Variants in GPHN observed in about 807,000 individuals in gnomAD.
The protein encoded by GPHN is gephyrin.
A neutral mutation model predicts 95.5 loss-of-function variants in GPHN; 17 were observed. The observed-to-expected ratio is 0.18, with a 90% CI of 0.12 to 0.27. The LOEUF is 0.27. GPHN is among the 10% of genes least tolerant of loss of function. The pLI, the probability that GPHN is intolerant of heterozygous loss-of-function variation, is 1.00. For synonymous variants in GPHN, 320 were observed against 322.5 expected, an observed-to-expected ratio of 0.99 and a Z score of 0.08; for missense variants, 660 against 978.1, an observed-to-expected ratio of 0.67 and a Z score of 4.34.
chr14:67,572,175 C>G, the GPHN span: 1 of 1,607,722 alleles, frequency 6.2e-7, no homozygotes, highest in South Asian at 1.1e-5. Flanking sequence ...GTGACTACGC[C>G]ATCCCCCCGG....
the GPHN span, among the ~76,000 whole-genome samples, chr14:67,617,566 CA>C: frequency 6.6e-6 from 1 of 152,162 alleles, no homozygotes; most frequent in Admixed American, 6.5e-5. Flanking sequence ...TTCACTCTCC[CA>C]GTGCATAATA....
At chr14:66,804,963 T>A (rs1018926675) in intron 3 of GPHN, among the ~76,000 whole-genome samples, 2 of 152,268 alleles carry the variant, frequency 1.3e-5, no homozygotes, top group Non-Finnish European at 2.9e-5. Context: ...TGTAATGCTC[T>A]GTGTGTCAGG....
the GPHN span, chr14:67,205,115 C>T: frequency 2.6e-6 from 4 of 1,530,660 alleles, no homozygotes; most frequent in African/African-American, 5.6e-5. Flanking sequence ...GACTTTCATG[C>T]TTTAATAATC....
At chr14:67,195,233 TTTGTTCAA>T in the GPHN span, among the ~76,000 whole-genome samples, 2 of 152,186 alleles carry the variant, frequency 1.3e-5, no homozygotes, top group East Asian at 3.8e-4. Flanking sequence ...TAACCTCAAC[TTTGTTCAA>T]AAAGGAAGAG....
At chr14:67,450,836 A>G in the GPHN span, among the ~76,000 whole-genome samples, 3 of 152,230 alleles carry the variant, frequency 2.0e-5, no homozygotes, top group East Asian at 5.8e-4. Context: ...ATAAGTAACG[A>G]GGAGTTGAAT....
chr14:67,695,668 A>T, the GPHN span: 6 of 1,614,222 alleles, frequency 3.7e-6, no homozygotes, highest in Non-Finnish European at 5.1e-6. Context: ...GGAAGGGCAG[A>T]AGGAGGAGCA....
chr14:66,641,409 C>CTATATATAT (rs2064402601), intron 1 of GPHN, among the ~76,000 whole-genome samples: 1 of 152,090 alleles, frequency 6.6e-6, no homozygotes, highest in Non-Finnish European at 1.5e-5. Flanking sequence ...GTGGGTTTCT[C>CTATATATAT]AGGATATAGC....
At chr14:66,901,755 A>G (rs1369133468) in intron 5 of GPHN, among the ~76,000 whole-genome samples, 1 of 152,036 alleles carries the variant, frequency 6.6e-6, no homozygotes, top group Non-Finnish European at 1.5e-5. Context: ...TGTCAGTACC[A>G]TGTTGATTTG....
At chr14:67,260,334 C>T in the GPHN span, among the ~76,000 whole-genome samples, 1 of 152,158 alleles carries the variant, frequency 6.6e-6, no homozygotes, top group Non-Finnish European at 1.5e-5. Context: ...GGTAAGAAGG[C>T]ACAACCCTCC....
At chr14:66,717,623 C>T (rs2096285844) in intron 2 of GPHN, among the ~76,000 whole-genome samples, 1 of 152,146 alleles carries the variant, frequency 6.6e-6, no homozygotes, top group South Asian at 2.1e-4. Context: ...GGTTCCTTCT[C>T]ATTTGGGTAG....
chr14:66,852,393 G>A (rs147866657), intron 4 of GPHN, among the ~76,000 whole-genome samples: 5 of 152,306 alleles, frequency 3.3e-5, no homozygotes, highest in Admixed American at 1.3e-4. Flanking sequence ...GTGTGTGTGC[G>A]TGCGCGTGCG....
At chr14:67,273,057 C>G in the GPHN span, among the ~76,000 whole-genome samples, 1 of 148,598 alleles carries the variant, frequency 6.7e-6, no homozygotes, top group African/African-American at 2.6e-5. Context: ...TGCTTTCAGT[C>G]TGTTCTCATT....
the GPHN span, among the ~76,000 whole-genome samples, chr14:67,522,420 G>C: frequency 6.6e-6 from 1 of 152,186 alleles, no homozygotes; most frequent in Admixed American, 6.5e-5. Flanking sequence ...GTCGTCTGAG[G>C]GGGGACAAAG....
rs1758546319 is a variant in GPHN, at chr14:67,019,891, A to G, written c.964-3742A>G. On this transcript the variant is annotated intron_variant, in intron 9 of 22. Coordinates refer to ENST00000478722, the MANE Select transcript of GPHN (RefSeq NM_020806.5). ...GGTTTAAGGGAAGAACACCTCTCAAATCACATGACCACTGCTACGCTTTCG... is the reference window on the plus strand; with the variant it reads ...GGTTTAAGGGAAGAACACCTCTCAAGTCACATGACCACTGCTACGCTTTCG... 2.6e-5 allele frequency among the ~76,000 whole-genome samples: 4 copies of G among 152,166 alleles called. No individual in the cohort carries two copies. The South Asian group carries it at 8.3e-4, about 32-fold the overall frequency.
intron 6 of GPHN, among the ~76,000 whole-genome samples, chr14:66,917,382 A>G (rs2065967494): frequency 1.3e-5 from 2 of 152,186 alleles, no homozygotes; most frequent in Non-Finnish European, 2.9e-5. Flanking sequence ...CACTCTTTCA[A>G]GCATCTGTTA....
the GPHN span, among the ~76,000 whole-genome samples, chr14:67,565,984 G>T: frequency 6.6e-6 from 1 of 152,118 alleles, no homozygotes; most frequent in Non-Finnish European, 1.5e-5. Flanking sequence ...TTTGGGCATG[G>T]TGGTGCACGC....
intron 2 of GPHN, among the ~76,000 whole-genome samples, chr14:66,721,423 C>G (rs900551803): frequency 1.3e-5 from 2 of 152,112 alleles, no homozygotes; most frequent in Non-Finnish European, 2.9e-5. Flanking sequence ...AAATTTCTAT[C>G]AACTTTATAT....
chr14:67,148,057 G>A (rs2081001874), intron 18 of GPHN, among the ~76,000 whole-genome samples: 1 of 152,038 alleles, frequency 6.6e-6, no homozygotes, highest in Non-Finnish European at 1.5e-5. Context: ...TATTAAAAAA[G>A]AATGGGGCAC....
the GPHN span, among the ~76,000 whole-genome samples, chr14:67,213,320 C>G: frequency 1.5e-4 from 17 of 113,634 alleles, no homozygotes; most frequent in Non-Finnish European, 2.8e-4. Context: ...CCCCCTCCCC[C>G]CACCCCACAA....
Sources: allele counts gnomAD v4.1 joint callset (sites outside exome capture counted in the v4.1 genomes callset), GRCh38; gene constraint gnomAD v4.1.1; transcripts MANE v1.5; gene names NCBI Gene and HGNC (gene_info 2026-07-23, HGNC 2026-07-21).